CPQ: variants seen among roughly 807,000 people sequenced by gnomAD.
CPQ encodes the protein Ser-Met dipeptidase.
In CPQ, 37 loss-of-function variants were observed where a neutral mutation model predicts 45.7. That is an observed-to-expected ratio of 0.81 (90% CI 0.62 to 1.07). CPQ has a LOEUF of 1.07. CPQ is among the 50% of genes least tolerant of loss of function. The pLI, the probability that CPQ is intolerant of heterozygous loss-of-function variation, is 0.00. For missense variants in CPQ, 537 were observed against 572.9 expected, an observed-to-expected ratio of 0.94 and a Z score of 0.64; for synonymous variants, 186 against 205.8, an observed-to-expected ratio of 0.90 and a Z score of 0.82.
intron 3 of CPQ, among the ~76,000 whole-genome samples, chr8:96,850,170 A>G (rs1811751819): frequency 6.6e-6 from 1 of 152,210 alleles, no homozygotes; most frequent in African/African-American, 2.4e-5. Flanking sequence ...TCATTTTGAT[A>G]GGGCTTTTAG....
At position 96,798,380 on chromosome 8, in the gene CPQ, T is replaced by C. The variant is rs1420465863; in HGVS notation, c.433+13050T>C. Among the ~76,000 whole-genome samples the C allele has an allele frequency of 3.9e-5, 6 of 152,212 alleles. No individual in the cohort carries two copies. The East Asian group carries it at 1.2e-3, about 29-fold the overall frequency. On this transcript the variant is annotated intron_variant, in intron 2 of 7. Coordinates refer to ENST00000220763, the MANE Select transcript of CPQ (RefSeq NM_016134.4). ...ACTCGAACTCCCAGCTCAAGTGATC[T>C]TCCTGACTTGGCCTCTCAAAGTGCT...
At chr8:97,029,602 G>A in intron 6 of CPQ, 108 bp downstream of exon 6, 1 of 971,766 alleles carries the variant, frequency 1.0e-6, no homozygotes, top group Non-Finnish European at 1.6e-6. Context: ...ACTGGCCCTA[G>A]GAAACACCCT....
intron 6 of CPQ, among the ~76,000 whole-genome samples, chr8:97,048,262 G>C (rs1450768026): frequency 1.3e-5 from 2 of 152,214 alleles, no homozygotes; most frequent in Non-Finnish European, 2.9e-5. Flanking sequence ...ATACAATTTA[G>C]AAGATTGGGG....
At chr8:96,930,531 T>A (rs1374268140) in intron 4 of CPQ, among the ~76,000 whole-genome samples, 1 of 152,008 alleles carries the variant, frequency 6.6e-6, no homozygotes, top group Non-Finnish European at 1.5e-5. Flanking sequence ...GTGAGGATGA[T>A]TTTTTTTGGA....
intron 1 of CPQ, among the ~76,000 whole-genome samples, chr8:96,742,277 A>G (rs1047470764): frequency 4.6e-5 from 7 of 152,224 alleles, no homozygotes; most frequent in African/African-American, 1.7e-4. Context: ...AGTCTGTTTT[A>G]TTAGAGACTA....
At chr8:97,055,900 G>A (rs912677529) in intron 6 of CPQ, among the ~76,000 whole-genome samples, 2 of 152,104 alleles carry the variant, frequency 1.3e-5, no homozygotes, top group African/African-American at 4.8e-5. Context: ...AAAAGTTCAA[G>A]ACCAGCCTGG....
At chr8:96,755,734 A>G (rs1190335377) in intron 1 of CPQ, among the ~76,000 whole-genome samples, 2 of 151,934 alleles carry the variant, frequency 1.3e-5, no homozygotes, top group East Asian at 3.8e-4. Flanking sequence ...TCCTTCTCAA[A>G]TCGAAATTTT....
At position 97,143,008 on chromosome 8, in the gene CPQ, T is replaced by C. The variant is rs1000898619; in HGVS notation, c.1256-12T>C. On this transcript the variant is annotated splice_polypyrimidine_tract_variant and intron_variant, in intron 7 of 7. Transcript: ENST00000220763. Reference sequence around the variant, plus strand: ...AATACTCCACTAAGAATTCTTCCTCTTTTATCCCCAGGAGCCAGTCTACTT... The same window carrying C: ...AATACTCCACTAAGAATTCTTCCTCCTTTATCCCCAGGAGCCAGTCTACTT... 1 of 1,613,216 alleles carries C rather than the reference T, an allele frequency of 6.2e-7. No homozygotes were observed. The highest frequency in any genetic ancestry group is 1.1e-5 in the South Asian group (1 of 90,952).
intron 3 of CPQ, among the ~76,000 whole-genome samples, chr8:96,875,479 T>G (rs1812133745): frequency 6.6e-6 from 1 of 152,008 alleles, no homozygotes. Context: ...GTCTATGGCA[T>G]GATTTAAGAA....
At chr8:96,740,717 T>A (rs1277909205) in intron 1 of CPQ, among the ~76,000 whole-genome samples, 1 of 152,186 alleles carries the variant, frequency 6.6e-6, no homozygotes, top group Non-Finnish European at 1.5e-5. Context: ...TCTATTGAGA[T>A]AATCATGTGG....
At chr8:96,678,840 G>A (rs1215562073) in intron 1 of CPQ, among the ~76,000 whole-genome samples, 3 of 142,294 alleles carry the variant, frequency 2.1e-5, no homozygotes, top group Middle Eastern at 4.1e-3. Flanking sequence ...TAAATAGTCC[G>A]CAAATATTTT....
intron 5 of CPQ, among the ~76,000 whole-genome samples, chr8:96,988,787 T>C (rs941943690): frequency 5.9e-4 from 90 of 152,340 alleles, no homozygotes; most frequent in African/African-American, 2.1e-3. Context: ...TTTAGTGAAG[T>C]ATGAACTGAG....
intron 6 of CPQ, among the ~76,000 whole-genome samples, chr8:97,049,338 G>A (rs1810316572): frequency 6.6e-6 from 1 of 152,170 alleles, no homozygotes. Context: ...TACTGAGAAG[G>A]AGACCCAAAG....
At chr8:97,097,372 T>C (rs1257501115) in intron 7 of CPQ, among the ~76,000 whole-genome samples, 2 of 152,188 alleles carry the variant, frequency 1.3e-5, no homozygotes, top group African/African-American at 4.8e-5. Flanking sequence ...CCTGACTTGC[T>C]AGTTTTTTGA....
At chr8:96,866,390 C>T (rs980631378) in intron 3 of CPQ, among the ~76,000 whole-genome samples, 6 of 152,022 alleles carry the variant, frequency 3.9e-5, no homozygotes, top group African/African-American at 1.2e-4. Context: ...GGAAATTTCT[C>T]AGCACATGAG....
At chr8:96,940,507 T>G (rs1211997827) in intron 4 of CPQ, among the ~76,000 whole-genome samples, 1 of 152,204 alleles carries the variant, frequency 6.6e-6, no homozygotes, top group Non-Finnish European at 1.5e-5. Context: ...TATGTATTCA[T>G]TCACTGATTC....
intron 2 of CPQ, among the ~76,000 whole-genome samples, chr8:96,810,802 T>C (rs982487792): frequency 6.6e-6 from 1 of 152,204 alleles, no homozygotes; most frequent in African/African-American, 2.4e-5. Context: ...TTCACTCTGT[T>C]ATTTCTCATT....
intron 2 of CPQ, 104 bp from the exon 3 acceptor site, chr8:96,834,869 T>TG (rs1586419638): frequency 1.0e-6 from 1 of 967,788 alleles, no homozygotes; most frequent in East Asian, 2.7e-5. Flanking sequence ...CTTATACCAG[T>TG]TTGCCAGATG....
intron 5 of CPQ, among the ~76,000 whole-genome samples, chr8:96,987,890 T>C (rs1228628798): frequency 6.6e-6 from 1 of 152,222 alleles, no homozygotes; most frequent in African/African-American, 2.4e-5. Flanking sequence ...CTCCAAGTAC[T>C]ATAAAAAGTA....
Sources: allele counts gnomAD v4.1 joint callset (sites outside exome capture counted in the v4.1 genomes callset), GRCh38; gene constraint gnomAD v4.1.1; transcripts MANE v1.5; gene names NCBI Gene and HGNC (gene_info 2026-07-23, HGNC 2026-07-21).